Variants in MCC observed in about 807,000 individuals in gnomAD.
The protein encoded by MCC is MCC regulator of Wnt signaling pathway, also known as colorectal mutant cancer protein.
MCC carries 90 observed loss-of-function variants against 116.2 expected under a neutral mutation model. The observed-to-expected ratio is 0.77, with a 90% confidence interval of 0.65 to 0.92. The LOEUF (loss-of-function observed/expected upper bound fraction) is 0.92. Ranked by LOEUF, MCC falls within the 40% of genes least tolerant of loss-of-function variation. The pLI is 0.00. For missense variants in MCC, 1,516 were observed against 1,312.2 expected, an observed-to-expected ratio of 1.16 and a Z score of -2.40; for synonymous variants, 578 against 510.5, an observed-to-expected ratio of 1.13 and a Z score of -1.78.
At chr5:113,086,528 C>T (rs938779772) in intron 8 of MCC, among the ~76,000 whole-genome samples, 5 of 152,144 alleles carry the variant, frequency 3.3e-5, no homozygotes, top group African/African-American at 2.4e-5. Flanking sequence ...AAAAGAAACA[C>T]GGGACCCTCT....
chr5:113,442,325 C>G (rs1051475732), intron 1 of MCC, among the ~76,000 whole-genome samples: 7 of 152,186 alleles, frequency 4.6e-5, no homozygotes, highest in African/African-American at 1.7e-4. Context: ...TGTTCATACA[C>G]TTTGCCTACC....
intron 3 of MCC, among the ~76,000 whole-genome samples, chr5:113,325,455 A>G: frequency 6.8e-6 from 1 of 147,250 alleles, no homozygotes; most frequent in East Asian, 2.0e-4. Flanking sequence ...TTACTGACTT[A>G]AATCTAACTT....
rs574433645 is a variant in MCC, at chr5:113,236,856, G to A, written c.628-85434C>T. On this transcript the variant is annotated intron_variant, in intron 3 of 18. Coordinates refer to ENST00000408903, the MANE Select transcript of MCC (RefSeq NM_001085377.2). ...GTGGCTACACTTGGTGGGTGGCTTC[G>A]CTGGGAGGCTGGACCAGGAGAGCAT... 2.6e-5 allele frequency among the ~76,000 whole-genome samples: 4 copies of A among 152,266 alleles called. No individual in the cohort carries two copies. The East Asian group carries it at 5.8e-4, about 22-fold the overall frequency.
chr5:113,245,378 C>G lies in MCC; in HGVS notation c.628-93956G>C, dbSNP rs1036685569. On this transcript the variant is annotated intron_variant, in intron 3 of 18. Coordinates refer to ENST00000408903, the MANE Select transcript of MCC (RefSeq NM_001085377.2). ...AAACCAAAGAAATATCTTATGTCCT[C>G]TCTCTTGTGTTCTCCAAGTCATCTG... Among the ~76,000 whole-genome samples the G allele has an allele frequency of 1.3e-5, 2 of 151,590 alleles. 1 individual carries two copies. Among genetic ancestry groups the G allele is most frequent in the East Asian group, 3.9e-4 (2 of 5,182 alleles).
At chr5:113,190,215 G>T (rs1239475556) in intron 3 of MCC, among the ~76,000 whole-genome samples, 3 of 152,216 alleles carry the variant, frequency 2.0e-5, no homozygotes. Context: ...AGATGTGAGA[G>T]AACTAGCTGT....
chr5:113,165,883 T>A (rs898498692), intron 3 of MCC, among the ~76,000 whole-genome samples: 3 of 151,942 alleles, frequency 2.0e-5, no homozygotes, highest in African/African-American at 7.3e-5. Context: ...TCTTTCATCA[T>A]ATATTTTTGG....
chr5:113,487,602 G>C (rs1255361075), intron 1 of MCC, among the ~76,000 whole-genome samples: 2 of 152,232 alleles, frequency 1.3e-5, no homozygotes, highest in Non-Finnish European at 2.9e-5. Flanking sequence ...CCTGGTCAGC[G>C]CACAGAGCCG....
At chr5:113,445,412 A>C (rs1194518272) in intron 1 of MCC, among the ~76,000 whole-genome samples, 1 of 152,182 alleles carries the variant, frequency 6.6e-6, no homozygotes, top group Non-Finnish European at 1.5e-5. Flanking sequence ...CTACAAAATC[A>C]ATGTATTAAT....
At chr5:113,036,357 A>T (rs548596094) in intron 17 of MCC, among the ~76,000 whole-genome samples, 1 of 152,244 alleles carries the variant, frequency 6.6e-6, no homozygotes, top group African/African-American at 2.4e-5. Flanking sequence ...GGAACTTAAG[A>T]TTAGTCCCTG....
At chr5:113,068,524 T>C (rs1753786570) in intron 12 of MCC, among the ~76,000 whole-genome samples, 3 of 152,224 alleles carry the variant, frequency 2.0e-5, no homozygotes, top group Admixed American at 1.3e-4. Flanking sequence ...GGCACCCTGG[T>C]GTCCACACCC....
At chr5:113,139,953 ATAGCAAAAGAAAC>A (rs1181344190) in intron 5 of MCC, among the ~76,000 whole-genome samples, 1 of 152,088 alleles carries the variant, frequency 6.6e-6, no homozygotes, top group Non-Finnish European at 1.5e-5. Flanking sequence ...GAGCTTCTGC[ATAGCAAAAGAAAC>A]TATCAACAGA....
At position 113,455,399 on chromosome 5, in the gene MCC, C is replaced by T. The variant is rs146985216; in HGVS notation, c.170+32846G>A. 1.0e-3 allele frequency among the ~76,000 whole-genome samples: 153 copies of T among 152,288 alleles called. 2 individuals are homozygous for T. The East Asian group carries it at 0.021, about 21-fold the overall frequency. On this transcript the variant is annotated intron_variant, in intron 1 of 18. Transcript: ENST00000408903. Reference sequence around the variant, plus strand: ...CCCCCCCACCATCACCACCACCACCCCACCTGCACTTGGCACACGGCAGGA... The same window carrying T: ...CCCCCCCACCATCACCACCACCACCTCACCTGCACTTGGCACACGGCAGGA...
At chr5:113,075,066 C>A (rs115419273) in intron 11 of MCC, among the ~76,000 whole-genome samples, 4 of 152,160 alleles carry the variant, frequency 2.6e-5, no homozygotes, top group African/African-American at 7.2e-5. Context: ...GGGAGAGGTG[C>A]GTGGCACTCG....
At chr5:113,324,093 C>T (rs1447083582) in intron 3 of MCC, among the ~76,000 whole-genome samples, 4 of 152,068 alleles carry the variant, frequency 2.6e-5, no homozygotes, top group East Asian at 1.9e-4. Context: ...ATGGCCTCTG[C>T]GGTGTTGCAA....
intron 1 of MCC, among the ~76,000 whole-genome samples, chr5:113,413,858 G>T (rs1419323723): frequency 6.6e-6 from 1 of 152,128 alleles, no homozygotes; most frequent in African/African-American, 2.4e-5. Flanking sequence ...TTTTAATTGT[G>T]ATGGTAGGGT....
intron 13 of MCC, among the ~76,000 whole-genome samples, chr5:113,065,317 G>A (rs1753527755): frequency 1.3e-5 from 2 of 152,032 alleles, no homozygotes; most frequent in South Asian, 4.1e-4. Flanking sequence ...AAATCTCTGT[G>A]CCTTCCTCTC....
intron 1 of MCC, among the ~76,000 whole-genome samples, chr5:113,400,418 T>C (rs978753536): frequency 1.3e-5 from 2 of 152,162 alleles, no homozygotes; most frequent in Non-Finnish European, 2.9e-5. Context: ...TCACCGCGCA[T>C]GGCCTGTTTT....
At chr5:113,158,135 A>AT (rs1288733351) in intron 3 of MCC, among the ~76,000 whole-genome samples, 13 of 152,346 alleles carry the variant, frequency 8.5e-5, no homozygotes, top group Admixed American at 5.9e-4. Flanking sequence ...CCAATTGTTT[A>AT]TTTTTGGAAT....
At position 113,333,846 on chromosome 5, in the gene MCC, T is replaced by TATATGTAC. The variant is rs1767794211; in HGVS notation, c.627+6665_627+6672dup. Among the ~76,000 whole-genome samples, 209 of 62,582 alleles carry TATATGTAC rather than the reference T, an allele frequency of 3.3e-3. 16 individuals carry two copies. The highest frequency in any genetic ancestry group is 0.013 in the African/African-American group (191 of 14,434). The allele number at this position is 62,582 out of a possible 152,430, so 41.1% of individuals were successfully genotyped here. On this transcript the variant is annotated intron_variant, in intron 3 of 18. Coordinates refer to ENST00000408903, the MANE Select transcript of MCC (RefSeq NM_001085377.2). ...ATATATGTATATATGTATATATGTA[T>TATATGTAC]ATATGTACATATATGTATATATGTA...
Sources: gnomAD v4.1 joint callset for allele counts (sites outside exome capture counted in the v4.1 genomes callset) on GRCh38, gnomAD v4.1.1 for gene constraint, MANE v1.5 for transcripts, NCBI Gene and HGNC (gene_info 2026-07-23, HGNC 2026-07-21) for gene names.